Variants in SUGCT observed in about 807,000 individuals in gnomAD.
The protein encoded by SUGCT is succinyl-CoA:glutarate CoA-transferase.
Under a neutral mutation model 55.0 loss-of-function variants are expected in SUGCT, and 41 were observed. That is an observed-to-expected ratio of 0.74 (90% CI 0.58 to 0.97). The LOEUF is 0.97. Ranked by LOEUF, SUGCT falls within the 50% of genes least tolerant of loss-of-function variation. The pLI is 0.00. For synonymous variants in SUGCT, 187 were observed against 200.4 expected (o/e 0.93, Z 0.56); for missense variants, 568 against 547.8 (o/e 1.04, Z -0.37).
At chr7:40,857,147 A>C (rs921898036) in intron 13 of SUGCT, among the ~76,000 whole-genome samples, 12 of 152,184 alleles carry the variant, frequency 7.9e-5, no homozygotes, top group African/African-American at 2.9e-4. Context: ...AGAACATGTG[A>C]CTTACCTTGC....
the SUGCT span, among the ~76,000 whole-genome samples, chr7:40,953,910 TGAG>T: frequency 6.6e-6 from 1 of 152,224 alleles, no homozygotes; most frequent in East Asian, 1.9e-4. Context: ...GGGACCCACT[TGAG>T]GAGGCAGTCT....
intron 13 of SUGCT, among the ~76,000 whole-genome samples, chr7:40,765,530 C>T (rs1474273493): frequency 1.3e-5 from 2 of 150,416 alleles, no homozygotes; most frequent in East Asian, 1.9e-4. Flanking sequence ...TAAAAAATAA[C>T]GAACTATTAT....
chr7:40,306,493 T>C (rs1794859149), intron 8 of SUGCT, among the ~76,000 whole-genome samples: 1 of 152,238 alleles, frequency 6.6e-6, no homozygotes, highest in Non-Finnish European at 1.5e-5. Flanking sequence ...TTGCCTTGCA[T>C]ATAATAATTA....
chr7:40,576,000 C>A (rs890540740), intron 12 of SUGCT, among the ~76,000 whole-genome samples: 3 of 151,714 alleles, frequency 2.0e-5, no homozygotes, highest in African/African-American at 7.3e-5. Context: ...TAATGTTTCT[C>A]CCATGTTGTA....
chr7:40,447,241 T>A (rs535060183), intron 9 of SUGCT, among the ~76,000 whole-genome samples: 201 of 152,300 alleles, frequency 1.3e-3, no homozygotes, highest in African/African-American at 4.4e-3. Context: ...TTTCAGTTTA[T>A]TTAAATTTAA....
At chr7:40,259,614 C>G (rs562089436) in intron 7 of SUGCT, among the ~76,000 whole-genome samples, 174 of 152,134 alleles carry the variant, frequency 1.1e-3, no homozygotes, top group Non-Finnish European at 1.9e-3. Flanking sequence ...GATGGTGCAG[C>G]ATCACACGAG....
chr7:40,233,130 C>T (rs1440272331), intron 6 of SUGCT, among the ~76,000 whole-genome samples: 1 of 151,748 alleles, frequency 6.6e-6, no homozygotes, highest in Non-Finnish European at 1.5e-5. Context: ...ATTCATAGTA[C>T]TGGTAGTCAG....
intron 12 of SUGCT, among the ~76,000 whole-genome samples, chr7:40,644,709 G>A (rs1193612288): frequency 6.6e-6 from 1 of 152,184 alleles, no homozygotes; most frequent in Non-Finnish European, 1.5e-5. Context: ...CTATTAGGGA[G>A]TTTGGCAGCT....
intron 12 of SUGCT, among the ~76,000 whole-genome samples, chr7:40,681,472 C>T (rs997852470): frequency 1.3e-5 from 2 of 152,138 alleles, no homozygotes; most frequent in Non-Finnish European, 1.5e-5. Context: ...GGCCCACTTT[C>T]TCCGTACAGT....
chr7:40,379,166 C>A (rs964372775), intron 9 of SUGCT, among the ~76,000 whole-genome samples: 1 of 152,180 alleles, frequency 6.6e-6, no homozygotes, highest in Non-Finnish European at 1.5e-5. Flanking sequence ...GAGCAAGGAA[C>A]TGAATCTGTC....
intron 12 of SUGCT, among the ~76,000 whole-genome samples, chr7:40,740,619 A>G (rs1584367613): frequency 6.6e-6 from 1 of 151,204 alleles, no homozygotes; most frequent in Middle Eastern, 3.4e-3. Flanking sequence ...AAAAGCATTC[A>G]GTATTTCACC....
At chr7:40,227,043 C>A (rs1047874264) in intron 6 of SUGCT, among the ~76,000 whole-genome samples, 1 of 96,246 alleles carries the variant, frequency 1.0e-5, no homozygotes, top group Non-Finnish European at 2.0e-5. Context: ...TTTAATAGAT[C>A]TTTTTTTTTT....
At chr7:40,648,039 T>C (rs1800609101) in intron 12 of SUGCT, among the ~76,000 whole-genome samples, 1 of 152,160 alleles carries the variant, frequency 6.6e-6, no homozygotes, top group African/African-American at 2.4e-5. Flanking sequence ...GTATAAAAAA[T>C]ATACTTTACT....
intron 9 of SUGCT, among the ~76,000 whole-genome samples, chr7:40,347,335 G>A (rs573671743): frequency 6.6e-6 from 1 of 152,216 alleles, no homozygotes; most frequent in Non-Finnish European, 1.5e-5. Flanking sequence ...GGCAAGTGGA[G>A]AAAAGGCAAC....
chr7:40,375,633 A>AGGAATCAGTTCCACAGATTGT (rs1291158127), intron 9 of SUGCT, among the ~76,000 whole-genome samples: 1 of 151,956 alleles, frequency 6.6e-6, no homozygotes, highest in African/African-American at 2.4e-5. Context: ...GTCCCAGACA[A>AGGAATCAGTTCCACAGATTGT]CCCTATCTAA....
chr7:40,287,973 A>G (rs567979481), intron 8 of SUGCT, among the ~76,000 whole-genome samples: 1 of 152,274 alleles, frequency 6.6e-6, no homozygotes, highest in African/African-American at 2.4e-5. Context: ...TGATTGATTA[A>G]CAATTGACAT....
At chr7:40,887,962 T>A in the SUGCT span, among the ~76,000 whole-genome samples, 1 of 151,432 alleles carries the variant, frequency 6.6e-6, no homozygotes, top group Non-Finnish European at 1.5e-5. Context: ...GGGCTCACTA[T>A]GGCAGGTGTG....
intron 9 of SUGCT, among the ~76,000 whole-genome samples, chr7:40,327,255 C>G (rs1274736410): frequency 1.9e-5 from 2 of 103,004 alleles, no homozygotes; most frequent in African/African-American, 7.7e-5. Context: ...AAGACAAAAT[C>G]TTTTGTTTGA....
At chr7:40,767,157 A>G (rs1788842382) in intron 13 of SUGCT, among the ~76,000 whole-genome samples, 1 of 152,228 alleles carries the variant, frequency 6.6e-6, no homozygotes, top group Admixed American at 6.5e-5. Context: ...TTAAACCACA[A>G]CACTAAAAAC....
Sources: gnomAD v4.1 joint callset for allele counts (sites outside exome capture counted in the v4.1 genomes callset) on GRCh38, gnomAD v4.1.1 for gene constraint, MANE v1.5 for transcripts, NCBI Gene and HGNC (gene_info 2026-07-23, HGNC 2026-07-21) for gene names.